PPFIA3: variants seen among roughly 807,000 people sequenced by gnomAD.
PPFIA3 encodes liprin-alpha-3.
Under a neutral mutation model 145.8 loss-of-function variants are expected in PPFIA3, and 26 were observed. That is an observed-to-expected ratio of 0.18 (90% CI 0.13 to 0.25). PPFIA3 has a LOEUF of 0.25. Ranked by LOEUF, PPFIA3 falls within the 10% of genes least tolerant of loss-of-function variation. PPFIA3 has a pLI of 1.00. For synonymous variants in PPFIA3, 645 were observed against 661.4 expected (o/e 0.98, Z 0.38); for missense variants, 1,008 against 1,587.8 (o/e 0.63, Z 6.21).
At chr19:49,124,293 G>A (rs114731684) in intron 1 of PPFIA3, among the ~76,000 whole-genome samples, 7,613 of 151,706 alleles carry the variant, frequency 0.05, 561 homozygotes, top group African/African-American at 0.16. Context: ...CCCTGGGCTC[G>A]AGTGATCCTC....
intron 21 of PPFIA3, among the ~76,000 whole-genome samples, chr19:49,145,004 C>G (rs1486590860): frequency 6.7e-6 from 1 of 148,892 alleles, no homozygotes; most frequent in Non-Finnish European, 1.5e-5. Context: ...GATCTTGGCT[C>G]ACTGCAACCT....
At chr19:49,126,101 C>A (rs981174441) in intron 1 of PPFIA3, among the ~76,000 whole-genome samples, 10 of 152,008 alleles carry the variant, frequency 6.6e-5, no homozygotes, top group Admixed American at 3.9e-4. Flanking sequence ...CAGGTGCGTG[C>A]CACCACGCAA....
At position 49,133,718 on chromosome 19, in the gene PPFIA3, C is replaced by A; in HGVS notation, c.1162-78C>A. 2.1e-6 allele frequency: 3 copies of A among 1,463,188 alleles called. No homozygotes were observed. Among genetic ancestry groups the A allele is most frequent in the South Asian group, 2.3e-5 (2 of 85,234 alleles). The allele number at this position is 1,463,188 out of a possible 1,614,324, so 90.6% of individuals were successfully genotyped here. A position where few individuals can be genotyped will look rare whatever the true frequency, so the allele number is the denominator to read the frequency against. Reference sequence around the variant, plus strand: ...CGCTGTGGGGGCGGAGCCTGGCGCTCAGCCTTGGAGGAGGTGGGGCTGGGA... The same window carrying A: ...CGCTGTGGGGGCGGAGCCTGGCGCTAAGCCTTGGAGGAGGTGGGGCTGGGA... On this transcript the variant is annotated intron_variant, in intron 9 of 29. Coordinates refer to ENST00000334186, the MANE Select transcript of PPFIA3 (RefSeq NM_003660.4). This position sits in a 1 kb window ranked among gnomAD's most constrained non-coding sequence, Gnocchi z 7.2.
At position 49,147,686 on chromosome 19, in the gene PPFIA3, AAG is replaced by A. The variant is rs143496485; in HGVS notation, c.2836-373_2836-372del. On this transcript the variant is annotated intron_variant, in intron 23 of 29. Transcript: ENST00000334186. ...GGGTGACATAGCAGACTCTTTCAGA[AAG>A]AGAGAGAGAGAGAGAGAGAGAGAAA... Among the ~76,000 whole-genome samples the A allele has an allele frequency of 5.3e-3, 775 of 145,760 alleles. 6 individuals are homozygous for A. The highest frequency in any genetic ancestry group is 5.7e-3 in the African/African-American group (220 of 38,924).
chr19:49,142,909 G>C lies in PPFIA3; in HGVS notation c.2650G>C (p.Gly884Arg). 2 of 1,613,776 alleles carry C rather than the reference G, an allele frequency of 1.2e-6. No homozygotes were observed. The highest frequency in any genetic ancestry group is 1.7e-6 in the Non-Finnish European group (2 of 1,180,004). ...AGACACGGAGATCCAGCGCGAGATC[G>C]GCATCAGCAACCCGCTGCACCGACT... ...LSDTEIQREI[G>R]ISNPLHRLKL... is the part of the protein sequence containing the mutation. The change falls in exon 21 of 30, where the codon GGC becomes CGC. Residue 884 changes from glycine (G) to arginine (R), a missense_variant. Coordinates refer to ENST00000334186, the MANE Select transcript of PPFIA3 (RefSeq NM_003660.4).
intron 25 of PPFIA3, 86 bp downstream of exon 25, chr19:49,148,849 G>A: frequency 6.6e-7 from 1 of 1,525,580 alleles, no homozygotes; most frequent in Non-Finnish European, 8.9e-7. Context: ...GGAGACCGGA[G>A]AAGCAAATTG....
In PPFIA3 at chr19:49,150,102, G is replaced by A. The variant is rs746099372; in HGVS notation, c.3549G>A (p.Arg1183=). ...CAGGCCAGACTTCTGGGAGTTCCCG[G>A]GCAGACGGCGTTTCGGTCCGGACCT... ...QPEGQTSGSS[R]ADGVSVRTYS... The change falls in exon 29 of 30, where the codon CGG becomes CGA. Residue 1183 remains arginine, a synonymous_variant. Coordinates refer to ENST00000334186, the MANE Select transcript of PPFIA3 (RefSeq NM_003660.4). The A allele has an allele frequency of 3.1e-6, 5 of 1,610,690 alleles. No individual in the cohort carries two copies. In the Admixed American group the frequency reaches 8.4e-5, roughly 27 times the overall value.
At position 49,130,554 on chromosome 19, in the gene PPFIA3, C is replaced by A; in HGVS notation, c.834C>A (p.Gly278=). The A allele has an allele frequency of 6.4e-7, 1 of 1,570,962 alleles. No homozygotes were observed. The highest frequency in any genetic ancestry group is 8.6e-7 in the Non-Finnish European group (1 of 1,159,084). Residue 278 remains glycine (G), a synonymous_variant, in exon 7 of 30, where the codon GGC becomes GGA. Transcript: ENST00000334186. The surrounding 1 kb of genome is among the most constrained non-coding windows in gnomAD (Gnocchi z 4.5). The part of the protein sequence containing the change: ...EELGTAHREL[G]KAEEANSKLQ... ...TGGGCACCGCGCACCGTGAGCTGGGCAAGGCAGAGGAAGCCAACTCCAAGC... is the reference window on the plus strand; with the variant it reads ...TGGGCACCGCGCACCGTGAGCTGGGAAAGGCAGAGGAAGCCAACTCCAAGC...
At chr19:49,137,660 T>TAAAAAAAAAAAAAAAAA (rs1325560140) in intron 15 of PPFIA3, among the ~76,000 whole-genome samples, 4 of 57,462 alleles carry the variant, frequency 7.0e-5, no homozygotes, top group South Asian at 4.9e-4. Flanking sequence ...AAAAAAAAAG[T>TAAAAAAAAAAAAAAAAA]CCCCAACTTA....
Position 49,128,510 on chromosome 19 carries a change from TCGTGGTGTTG to T in PPFIA3, c.342+43_342+52del. ...GCGGGGCCTAAGTGGGGGCGGGGCC[TCGTGGTGTTG>T]AAGTGGGGGGCGGGGCCTCTCAGTG... On this transcript the variant is annotated intron_variant, in intron 3 of 29. Transcript: ENST00000334186. The surrounding 1 kb of genome is among the most constrained non-coding windows in gnomAD (Gnocchi z 4.1). 2 of 1,381,504 alleles carry T rather than the reference TCGTGGTGTTG, an allele frequency of 1.4e-6. No homozygotes were observed. The highest frequency in any genetic ancestry group is 2.0e-6 in the Non-Finnish European group (2 of 990,450). 85.6% of individuals were successfully genotyped at this position (1,381,504 alleles called of 1,614,324 possible).
rs766765235 is a variant in PPFIA3, at chr19:49,135,821, A to G, written c.1563A>G (p.Ala521=). ...CCCTGGAGCTCCGTTACTCTCAGGC[A>G]CCCACTTTACCTTCTGGTGCCCACC... The part of the protein sequence containing the change: ...GSALELRYSQ[A]PTLPSGAHLD... The change falls in exon 14 of 30, where the codon GCA becomes GCG. Residue 521 remains alanine, a synonymous_variant. Transcript: ENST00000334186. The G allele has an allele frequency of 6.2e-7, 1 of 1,613,626 alleles. No individual in the cohort carries two copies. The highest frequency in any genetic ancestry group is 1.1e-5 in the South Asian group (1 of 91,032).
rs1600334731 is a variant in PPFIA3 at position 49,133,706 on chromosome 19, G to C, written c.1162-90G>C. On this transcript the variant is annotated intron_variant, in intron 9 of 29. Transcript: ENST00000334186. This position sits in a 1 kb window ranked among gnomAD's most constrained non-coding sequence, Gnocchi z 7.2. ...GGAGGAGCCTGGCGCTGTGGGGGCG[G>C]AGCCTGGCGCTCAGCCTTGGAGGAG... The C allele has an allele frequency of 2.9e-6, 4 of 1,381,236 alleles. No individual in the cohort carries two copies. The East Asian group carries it at 9.4e-5, about 33-fold the overall frequency. The allele number at this position is 1,381,236 out of a possible 1,614,324, so 85.6% of individuals were successfully genotyped here. A position where few individuals can be genotyped will look rare whatever the true frequency, so the allele number is the denominator to read the frequency against.
intron 20 of PPFIA3, 99 bp from the exon 21 acceptor site, chr19:49,142,705 C>T: frequency 9.4e-7 from 1 of 1,060,272 alleles, no homozygotes; most frequent in Non-Finnish European, 1.4e-6. Context: ...TTTCGCTCCC[C>T]ACCCCCTTGC....
Position 49,127,719 on chromosome 19 carries a change from G to GAAA in PPFIA3, c.-15-140_-15-139insAAA, listed in dbSNP as rs2041019771. 3 of 975,618 alleles carry GAAA rather than the reference G, an allele frequency of 3.1e-6. No homozygotes were observed. In the African/African-American group the frequency reaches 5.2e-5, roughly 17 times the overall value. The allele number at this position is 975,618 out of a possible 1,614,324, so 60.4% of individuals were successfully genotyped here. On this transcript the variant is annotated intron_variant, in intron 1 of 29. Transcript: ENST00000334186. ...TGTTTCCCTGTGTCATGATCACAGTGCCTGGGCCTCAGTTTCTTCTGTGCA... is the reference window on the plus strand; with the variant it reads ...TGTTTCCCTGTGTCATGATCACAGTGAAACCTGGGCCTCAGTTTCTTCTGTGCA...
intron 18 of PPFIA3, among the ~76,000 whole-genome samples, chr19:49,140,956 C>A (rs994904892): frequency 5.3e-5 from 8 of 152,046 alleles, no homozygotes; most frequent in African/African-American, 1.9e-4. Flanking sequence ...GCCCAGCCAC[C>A]TATTTTTTAA....
Position 49,142,786 on chromosome 19 carries a change from T to G in PPFIA3, c.2545-18T>G, listed in dbSNP as rs373766181. On this transcript the variant is annotated intron_variant, in intron 20 of 29. Transcript: ENST00000334186. ...TCTGTCCCTCTGTCCCCTCTGTCCC[T>G]CTGTCCCTCCGCTGCAGCTGTGGGT... 3 of 1,524,122 alleles carry G rather than the reference T, an allele frequency of 2.0e-6. No homozygotes were observed. Among genetic ancestry groups the G allele is most frequent in the Non-Finnish European group, 2.7e-6 (3 of 1,126,012 alleles). 94.4% of individuals were successfully genotyped at this position (1,524,122 alleles called of 1,614,324 possible). A position where few individuals can be genotyped will look rare whatever the true frequency, so the allele number is the denominator to read the frequency against.
At position 49,130,290 on chromosome 19, in the gene PPFIA3, T is replaced by C; in HGVS notation, c.658-88T>C. ...GCATGATCCTTATTGATCTTTGATC[T>C]ACTTTCAGCTGATTGACTTTCTCCT... On this transcript the variant is annotated intron_variant, in intron 6 of 29. Transcript: ENST00000334186. This position sits in a 1 kb window ranked among gnomAD's most constrained non-coding sequence, Gnocchi z 4.5. 1 of 1,321,022 alleles carries C rather than the reference T, an allele frequency of 7.6e-7. No individual in the cohort carries two copies. Among genetic ancestry groups the C allele is most frequent in the Non-Finnish European group, 1.0e-6 (1 of 964,280 alleles). The allele number at this position is 1,321,022 out of a possible 1,614,324, so 81.8% of individuals were successfully genotyped here.
intron 21 of PPFIA3, 83 bp from the exon 22 acceptor site, chr19:49,145,860 C>A: frequency 8.0e-7 from 1 of 1,244,976 alleles, no homozygotes; most frequent in Non-Finnish European, 1.2e-6. Context: ...ACGTGTGGCC[C>A]AGGGCCTTCA....
chr19:49,135,376 T>C (rs2041126015), intron 13 of PPFIA3, among the ~76,000 whole-genome samples: 1 of 151,780 alleles, frequency 6.6e-6, no homozygotes, highest in Admixed American at 6.6e-5. Flanking sequence ...TATTTATTTA[T>C]TTTTTCTTTC....
Sources: gnomAD v4.1 joint callset for allele counts (sites outside exome capture counted in the v4.1 genomes callset) on GRCh38, gnomAD v4.1.1 for gene constraint, Gnocchi (gnomAD v3.1) non-coding constraint, MANE v1.5 for transcripts, NCBI Gene and HGNC (gene_info 2026-07-23, HGNC 2026-07-21) for gene names.